MRPS18A: variants seen among roughly 807,000 people sequenced by gnomAD.
The protein encoded by MRPS18A is mitochondrial ribosomal protein S18A, also known as large ribosomal subunit protein mL66.
In MRPS18A, 20 loss-of-function variants were observed where a neutral mutation model predicts 22.7. That is an observed-to-expected ratio of 0.88 (90% CI 0.62 to 1.28). MRPS18A has a LOEUF of 1.28. Ranked by LOEUF, MRPS18A falls within the 50% of genes most tolerant of loss-of-function variation. MRPS18A has a pLI of 0.00. For synonymous variants in MRPS18A, 106 were observed against 99.1 expected (o/e 1.07, Z -0.41); for missense variants, 294 against 262.6 (o/e 1.12, Z -0.83).
intron 5 of MRPS18A, among the ~76,000 whole-genome samples, chr6:43,674,558 T>C (rs1773944003): frequency 6.6e-6 from 1 of 152,146 alleles, no homozygotes; most frequent in African/African-American, 2.4e-5. Context: ...AGAAGGGAAC[T>C]TGCAATGGGA....
Position 43,687,765 on chromosome 6 carries a change from C to T in MRPS18A, c.15G>A (p.Lys5=). The change falls in exon 1 of 6, where the codon AAG becomes AAA. Residue 5 remains lysine (K), a synonymous_variant. Transcript: ENST00000372133. ...GCCGCCCACAGCCGGACACCAGAGC[C>T]TTGAGGGCCGCCATCTTCAAAAACC... MAAL[K]ALVSGCGRLL... The T allele has an allele frequency of 1.3e-6, 2 of 1,577,940 alleles. No homozygotes were observed. Among genetic ancestry groups the T allele is most frequent in the East Asian group, 4.6e-5 (2 of 43,560 alleles).
rs772265293 is a variant in MRPS18A, at chr6:43,675,213, G to A, written c.435C>T (p.Pro145=). The A allele has an allele frequency of 6.6e-7, 1 of 1,517,782 alleles. No individual in the cohort carries two copies. Among genetic ancestry groups the A allele is most frequent in the Admixed American group, 2.2e-5 (1 of 44,570 alleles). The allele number at this position is 1,517,782 out of a possible 1,614,324, so 94.0% of individuals were successfully genotyped here. Residue 145 remains proline (P), a synonymous_variant, in exon 5 of 6, where the codon CCC becomes CCT. Coordinates refer to ENST00000372133, the MANE Select transcript of MRPS18A (RefSeq NM_018135.4). ...CCAGGCTTGCTTACCGGTTGAGTTG[G>A]GGTTTGCTCTTCGGAACAACTCCTT... The part of the protein sequence containing the change: ...LPEGVVPKSK[P]QLNRYLTRWA...
At chr6:43,685,287 T>A (rs1290746981) in intron 1 of MRPS18A, among the ~76,000 whole-genome samples, 1 of 152,242 alleles carries the variant, frequency 6.6e-6, no homozygotes, top group Non-Finnish European at 1.5e-5. Context: ...ATTTCTATTT[T>A]CGTCCTCCTT....
intron 1 of MRPS18A, among the ~76,000 whole-genome samples, chr6:43,686,005 C>T (rs1047231074): frequency 1.3e-5 from 2 of 152,152 alleles, no homozygotes; most frequent in African/African-American, 2.4e-5. Flanking sequence ...GTTCTCACTA[C>T]GTTGCCCAGG....
intron 1 of MRPS18A, among the ~76,000 whole-genome samples, chr6:43,683,299 A>G (rs1175337760): frequency 2.0e-5 from 3 of 152,216 alleles, no homozygotes; most frequent in Non-Finnish European, 4.4e-5. Context: ...TCAAACCAGA[A>G]GGAATGACCT....
Position 43,671,798 on chromosome 6 carries a change from G to C in MRPS18A, c.555C>G (p.Val185=), listed in dbSNP as rs1489520757. The change falls in exon 6 of 6, where the codon GTC becomes GTG. Residue 185 remains valine, a synonymous_variant. Transcript: ENST00000372133. ...PVGSPLLRDN[V]CYSRTPWKLY... ...GCTTCCAAGGTGTTCTTGAGTAGCA[G>C]ACATTGTCCCTCAGAAGGGGTGACC... The C allele has an allele frequency of 6.2e-7, 1 of 1,614,228 alleles. No homozygotes were observed. Among genetic ancestry groups the C allele is most frequent in the Non-Finnish European group, 8.5e-7 (1 of 1,180,034 alleles).
Position 43,671,224 on chromosome 6 carries a change from A to C in MRPS18A, c.*538T>G. The C allele has an allele frequency of 3.6e-6, 2 of 561,698 alleles. No homozygotes were observed. The highest frequency in any genetic ancestry group is 6.4e-6 in the Non-Finnish European group (2 of 314,682). The allele number at this position is 561,698 out of a possible 1,614,324, so 34.8% of individuals were successfully genotyped here. A position where few individuals can be genotyped will look rare whatever the true frequency, so the allele number is the denominator to read the frequency against. ...CCCTTTGAGGAACGCAGTTTCTTGGATTCACACGAGAGCGGCAAGTGTGTC... is the reference window on the plus strand; with the variant it reads ...CCCTTTGAGGAACGCAGTTTCTTGGCTTCACACGAGAGCGGCAAGTGTGTC... On this transcript the variant is annotated 3_prime_UTR_variant, in exon 6 of 6. Transcript: ENST00000372133.
chr6:43,682,791 CA>C (rs1321830584), intron 1 of MRPS18A, among the ~76,000 whole-genome samples: 1 of 152,210 alleles, frequency 6.6e-6, no homozygotes, highest in Non-Finnish European at 1.5e-5. Flanking sequence ...AATCAACCTA[CA>C]AACGGAGGAT....
rs776615922 is a variant in MRPS18A at position 43,687,708 on chromosome 6, C to A, written c.72G>T (p.Ala24=). ...LLRGLLAGPA[A]TSWSRLPARG... is the part of the protein sequence containing the mutation. ...GAGCTGGAAGCCGAGACCAGCTGGT[C>A]GCTGCCGGGCCCGCTAGTAGCCCAC... Residue 24 remains alanine (A), a synonymous_variant, in exon 1 of 6, where the codon GCG becomes GCT. Coordinates refer to ENST00000372133, the MANE Select transcript of MRPS18A (RefSeq NM_018135.4). The A allele has an allele frequency of 6.3e-7, 1 of 1,585,414 alleles. No individual in the cohort carries two copies. Among genetic ancestry groups the A allele is most frequent in the African/African-American group, 1.3e-5 (1 of 74,630 alleles).
chr6:43,678,188 C>T lies in MRPS18A; in HGVS notation c.252+330G>A, dbSNP rs544261437. 3.9e-5 allele frequency among the ~76,000 whole-genome samples: 6 copies of T among 152,230 alleles called. No homozygotes were observed. In the South Asian group the frequency reaches 6.2e-4, roughly 16 times the overall value. On this transcript the variant is annotated intron_variant, in intron 3 of 5. Coordinates refer to ENST00000372133, the MANE Select transcript of MRPS18A (RefSeq NM_018135.4). The stretch of plus-strand genomic sequence containing the variant: ...GAAAAAATGCTCAGGCCCCACCCCC[C>T]GAGGCTGATTCCACACTGTGACCTC...
intron 3 of MRPS18A, among the ~76,000 whole-genome samples, chr6:43,676,307 C>G (rs1030345960): frequency 6.6e-5 from 10 of 152,172 alleles, no homozygotes; most frequent in Admixed American, 1.3e-4. Context: ...GAGGAAAAAC[C>G]TGTAACATTT....
In MRPS18A at chr6:43,680,241, T is replaced by TGGG. The variant is rs35228097; in HGVS notation, c.144+845_144+847dup. On this transcript the variant is annotated intron_variant, in intron 2 of 5. Coordinates refer to ENST00000372133, the MANE Select transcript of MRPS18A (RefSeq NM_018135.4). ...AGCCTAAAAGGTACCCTAAGGGGAT[T>TGGG]GGGGGGGGTCCCCTAAAAAGAACTG... Among the ~76,000 whole-genome samples the TGGG allele has an allele frequency of 4.1e-3, 616 of 151,716 alleles. 5 individuals carry two copies. The highest frequency in any genetic ancestry group is 0.011 in the African/African-American group (468 of 41,296).
chr6:43,671,720 C>A lies in MRPS18A; in HGVS notation c.*42G>T. The A allele has an allele frequency of 6.2e-7, 1 of 1,612,916 alleles. No individual in the cohort carries two copies. Among genetic ancestry groups the A allele is most frequent in the Non-Finnish European group, 8.5e-7 (1 of 1,179,200 alleles). On this transcript the variant is annotated 3_prime_UTR_variant, in exon 6 of 6. Coordinates refer to ENST00000372133, the MANE Select transcript of MRPS18A (RefSeq NM_018135.4). ...GGCTTGTGAGTGGGCCTCCTACTCC[C>A]CAGCACAGGTGCAGGAGGAACTCTG...
At chr6:43,672,062 A>G (rs1200153334) in intron 5 of MRPS18A, 156 bp from the exon 6 acceptor site, 1 of 887,556 alleles carries the variant, frequency 1.1e-6, no homozygotes, top group African/African-American at 1.7e-5. Context: ...TCCTGGGAGT[A>G]ACTGCTGAGC....
intron 1 of MRPS18A, 41 bp from the exon 2 acceptor site, chr6:43,681,161 T>G: frequency 6.3e-7 from 1 of 1,596,884 alleles, no homozygotes; most frequent in Non-Finnish European, 8.6e-7. Context: ...AGCCATTTAA[T>G]AAGGAACAGA....
At position 43,681,091 on chromosome 6, in the gene MRPS18A, T is replaced by C; in HGVS notation, c.142A>G (p.Ile48Val). 3.1e-6 allele frequency: 5 copies of C among 1,613,534 alleles called. No individual in the cohort carries two copies. Among genetic ancestry groups the C allele is most frequent in the Non-Finnish European group, 4.2e-6 (5 of 1,179,552 alleles). ...VVETQEGKTT[I>V]IEGRITATPK... Reference sequence around the variant, plus strand: ...ATGGCCAACTCAACGATACTTACTATAGTTGTCTTCCCTTCTTGGGTCTCC... The same window carrying C: ...ATGGCCAACTCAACGATACTTACTACAGTTGTCTTCCCTTCTTGGGTCTCC... The change falls in exon 2 of 6, where the codon ATA (isoleucine) becomes GTA (valine). Residue 48 changes from isoleucine to valine, a missense_variant and splice_region_variant. Physicochemically the swap from Ile to Val is conservative, Grantham distance 29 (BLOSUM62 3). Transcript: ENST00000372133.
At chr6:43,684,903 G>C (rs73430410) in intron 1 of MRPS18A, among the ~76,000 whole-genome samples, 5,771 of 152,198 alleles carry the variant, frequency 0.038, 359 homozygotes, top group African/African-American at 0.13. Context: ...AGGGCTCTAA[G>C]AGGGATAAGG....
chr6:43,684,828 C>A (rs2127954071), intron 1 of MRPS18A, among the ~76,000 whole-genome samples: 1 of 152,326 alleles, frequency 6.6e-6, no homozygotes, highest in South Asian at 2.1e-4. Context: ...AAGTGTCTGA[C>A]AAATCATGTC....
rs531740268 is a variant in MRPS18A at position 43,684,926 on chromosome 6, C to T, written c.112+2742G>A. Among the ~76,000 whole-genome samples, 7 of 152,204 alleles carry T rather than the reference C, an allele frequency of 4.6e-5. No individual in the cohort carries two copies. In the South Asian group the frequency reaches 1.4e-3, roughly 32 times the overall value. Reference sequence around the variant, plus strand: ...AAGAGGGATAAGGGAGGAATGAGATCCAACACAGTCTTTGCTAAATCTGGC... The same window carrying T: ...AAGAGGGATAAGGGAGGAATGAGATTCAACACAGTCTTTGCTAAATCTGGC... On this transcript the variant is annotated intron_variant, in intron 1 of 5. Transcript: ENST00000372133.
Sources: gnomAD v4.1 joint callset for allele counts (sites outside exome capture counted in the v4.1 genomes callset) on GRCh38, gnomAD v4.1.1 for gene constraint, MANE v1.5 for transcripts, NCBI Gene and HGNC (gene_info 2026-07-23, HGNC 2026-07-21) for gene names.